TCF20: variants seen among roughly 807,000 people sequenced by gnomAD.
TCF20 encodes SPRE-binding protein.
In TCF20, 3 loss-of-function variants were observed where a neutral mutation model predicts 148.6. The ratio of observed to expected loss-of-function variants is 0.02; its 90% confidence interval spans 0.01 to 0.05. TCF20 has a LOEUF of 0.05. Ranked by LOEUF, TCF20 falls within the 10% of genes least tolerant of loss-of-function variation. TCF20 has a pLI of 1.00. For missense variants in TCF20, 2,350 were observed against 2,429.3 expected (o/e 0.97, Z 0.69); for synonymous variants, 1,049 against 909.5 (o/e 1.15, Z -2.76).
chr22:42,165,564 C>T (rs1031858654), intron 5 of TCF20, among the ~76,000 whole-genome samples: 3 of 152,360 alleles, frequency 2.0e-5, no homozygotes, highest in East Asian at 1.9e-4. Flanking sequence ...TTTTCCCCTC[C>T]GCACTCCTGG....
intron 1 of TCF20, among the ~76,000 whole-genome samples, chr22:42,336,244 C>T (rs1928065668): frequency 6.6e-6 from 1 of 152,122 alleles, no homozygotes; most frequent in Admixed American, 6.5e-5. Flanking sequence ...GCTCTCACAC[C>T]CAGGCTGGAC....
In TCF20 at chr22:42,213,999, T is replaced by C; in HGVS notation, c.1307A>G (p.Lys436Arg). The C allele has an allele frequency of 6.2e-7, 1 of 1,614,158 alleles. No homozygotes were observed. The highest frequency in any genetic ancestry group is 2.2e-5 in the East Asian group (1 of 44,874). Residue 436 changes from lysine (K) to arginine (R), a missense_variant, in exon 2 of 6, where the codon AAA (lysine) becomes AGA (arginine). Coordinates refer to ENST00000677622, the MANE Select transcript of TCF20 (RefSeq NM_001378418.1). ...TGGTACCCCTTCTAGTCCAAACCCT[T>C]TGAAGCCTGCAGCATGAGAATTAGG... ...PSPNSHAAGFKGFGLEGVPEK... is the reference protein window; with the variant it reads ...PSPNSHAAGFRGFGLEGVPEK...
At chr22:42,296,728 C>G (rs1017787116) in intron 1 of TCF20, among the ~76,000 whole-genome samples, 1 of 152,238 alleles carries the variant, frequency 6.6e-6, no homozygotes, top group African/African-American at 2.4e-5. Context: ...CCTCACCACC[C>G]GAGCCACAAG....
At chr22:42,254,652 C>T (rs770216035) in intron 1 of TCF20, among the ~76,000 whole-genome samples, 7 of 152,200 alleles carry the variant, frequency 4.6e-5, no homozygotes, top group Non-Finnish European at 8.8e-5. Flanking sequence ...GCGTCCAGCC[C>T]TATACCCTGG....
chr22:42,288,597 G>A (rs931924074), upstream of TCF20, among the ~76,000 whole-genome samples: 27 of 149,612 alleles, frequency 1.8e-4, no homozygotes, highest in South Asian at 1.1e-3. Flanking sequence ...CCAGCTACTC[G>A]TGAGATTGAG....
At chr22:42,241,429 G>C (rs1474628629) in intron 1 of TCF20, among the ~76,000 whole-genome samples, 1 of 152,036 alleles carries the variant, frequency 6.6e-6, no homozygotes, top group Non-Finnish European at 1.5e-5. Context: ...AATTTAGCAG[G>C]GAACAGGAAT....
At position 42,323,935 on chromosome 22, in the gene TCF20, GTGGTGGTGATGGAGGTTA is replaced by G. The variant is rs1212878929; in HGVS notation, c.-37+19526_-37+19543del. Among the ~76,000 whole-genome samples, 50 of 128,810 alleles carry G rather than the reference GTGGTGGTGATGGAGGTTA, an allele frequency of 3.9e-4. 2 individuals are homozygous for G. Among genetic ancestry groups the G allele is most frequent in the African/African-American group, 4.6e-4 (16 of 35,006 alleles). 84.5% of individuals were successfully genotyped at this position (128,810 alleles called of 152,430 possible). On this transcript the variant is annotated intron_variant, in intron 1 of 1. Coordinates refer to the TCF20 transcript ENST00000515426. Reference sequence around the variant, plus strand: ...GGTGGTGATGGAGGTTATGGTGGTGGTGGTGGTGATGGAGGTTATGGTGGTGGTGGTGATGGTGGTGGT... The same window carrying G: ...GGTGGTGATGGAGGTTATGGTGGTGGTGGTGGTGGTGGTGATGGTGGTGGT...
chr22:42,251,492 C>CTTTTTTTTTTTT lies in TCF20; in HGVS notation c.-37+18835_-37+18846dup, dbSNP rs71184878. Reference sequence around the variant, plus strand: ...ACTCTGTACCTGGCCAAACAAGTGTCTTTTTTTTTTTTTTTTTTTTTTTTT... The same window carrying CTTTTTTTTTTTT: ...ACTCTGTACCTGGCCAAACAAGTGTCTTTTTTTTTTTTTTTTTTTTTTTTTTTTTTTTTTTTT... On this transcript the variant is annotated intron_variant, in intron 1 of 5. Transcript: ENST00000677622. Among the ~76,000 whole-genome samples, 3 of 47,008 alleles carry CTTTTTTTTTTTT rather than the reference C, an allele frequency of 6.4e-5. 1 individual carries two copies. The highest frequency in any genetic ancestry group is 2.7e-4 in the African/African-American group (3 of 11,110). The allele number at this position is 47,008 out of a possible 152,430, so 30.8% of individuals were successfully genotyped here.
intron 1 of TCF20, among the ~76,000 whole-genome samples, chr22:42,330,083 T>C (rs1927946186): frequency 6.6e-6 from 1 of 152,106 alleles, no homozygotes; most frequent in Non-Finnish European, 1.5e-5. Flanking sequence ...CGCCACCCCA[T>C]CTGAGTGGCC....
rs767194660 is a variant in TCF20 at position 42,214,943 on chromosome 22, G to T, written c.363C>A (p.Pro121=). The T allele has an allele frequency of 4.3e-6, 7 of 1,614,214 alleles. No homozygotes were observed. The East Asian group carries it at 6.7e-5, about 15-fold the overall frequency. ...PSGPVQSYGP[P]QGSSFGNQYG... ...ACTGATTGCCAAAGCTGCTCCCCTG[G>T]GGGGGTCCATAGCTCTGCACAGGCC... The change falls in exon 2 of 6, where the codon CCC becomes CCA. Residue 121 remains proline (P), a synonymous_variant. Transcript: ENST00000677622.
At chr22:42,189,763 C>T (rs937303235) in intron 2 of TCF20, among the ~76,000 whole-genome samples, 1 of 152,220 alleles carries the variant, frequency 6.6e-6, no homozygotes, top group Non-Finnish European at 1.5e-5. Context: ...AACGACAAAT[C>T]TAGTCAAAGA....
At chr22:42,193,210 T>TA (rs1937425735) in intron 2 of TCF20, among the ~76,000 whole-genome samples, 1 of 150,114 alleles carries the variant, frequency 6.7e-6, no homozygotes. Flanking sequence ...ATGAAGAAAA[T>TA]AGAGATCTGG....
intron 1 of TCF20, among the ~76,000 whole-genome samples, chr22:42,257,019 G>C (rs190893345): frequency 1.4e-3 from 208 of 152,292 alleles, no homozygotes; most frequent in African/African-American, 4.9e-3. Context: ...AATTAGCAGG[G>C]TGTGGTGGCA....
intron 3 of TCF20, among the ~76,000 whole-genome samples, chr22:42,177,863 A>C (rs141310406): frequency 6.6e-6 from 1 of 151,724 alleles, no homozygotes; most frequent in African/African-American, 2.4e-5. Flanking sequence ...GGAGCTCCTA[A>C]ACCCTTGGAA....
chr22:42,242,202 CAAAA>C (rs151190006), intron 1 of TCF20, among the ~76,000 whole-genome samples: 728 of 59,816 alleles, frequency 0.012, 15 homozygotes, highest in African/African-American at 0.058. Flanking sequence ...GACTTCGCCT[CAAAA>C]AAAAAAAAAA....
intron 1 of TCF20, among the ~76,000 whole-genome samples, chr22:42,256,595 A>G (rs182585804): frequency 2.0e-5 from 3 of 152,304 alleles, no homozygotes. Flanking sequence ...AAGACTTTCA[A>G]CAAGAGAAGA....
At chr22:42,328,221 T>C (rs1276714907) in intron 1 of TCF20, among the ~76,000 whole-genome samples, 1 of 152,066 alleles carries the variant, frequency 6.6e-6, no homozygotes, top group Non-Finnish European at 1.5e-5. Context: ...CTAGCTGTTC[T>C]GCCCACGTGT....
At chr22:42,240,523 C>A (rs569605660) in intron 1 of TCF20, among the ~76,000 whole-genome samples, 1 of 152,258 alleles carries the variant, frequency 6.6e-6, no homozygotes, top group South Asian at 2.1e-4. Context: ...ATATATACAT[C>A]TTTCCAAAAG....
chr22:42,309,134 C>T (rs1927487129), intron 1 of TCF20, among the ~76,000 whole-genome samples: 5 of 152,076 alleles, frequency 3.3e-5, no homozygotes, highest in Admixed American at 3.3e-4. Flanking sequence ...TGGACCATGC[C>T]CACTCTGCAA....
Sources: allele counts gnomAD v4.1 joint callset (sites outside exome capture counted in the v4.1 genomes callset), GRCh38; gene constraint gnomAD v4.1.1; transcripts MANE v1.5; gene names NCBI Gene and HGNC (gene_info 2026-07-23, HGNC 2026-07-21).